RPAP1: variants seen among roughly 807,000 people sequenced by gnomAD.
RPAP1 encodes RNA polymerase II-associated protein 1.
Under a neutral mutation model 142.4 loss-of-function variants are expected in RPAP1, and 109 were observed. That is an observed-to-expected ratio of 0.77 (90% CI 0.66 to 0.90). The LOEUF (loss-of-function observed/expected upper bound fraction) is 0.90, where lower values mean the gene tolerates loss of function less well. RPAP1 is among the 40% of genes least tolerant of loss of function. RPAP1 has a pLI of 0.00. For synonymous variants in RPAP1, 704 were observed against 738.9 expected (o/e 0.95, Z 0.77); for missense variants, 1,546 against 1,751.7 (o/e 0.88, Z 2.10).
At chr15:41,529,782 G>A in intron 8 of RPAP1, 82 bp downstream of exon 8, 1 of 1,030,876 alleles carries the variant, frequency 9.7e-7, no homozygotes, top group Non-Finnish European at 1.4e-6. Context: ...CAATAGAAAG[G>A]CCTGAGTTCT....
intron 6 of RPAP1, among the ~76,000 whole-genome samples, chr15:41,532,099 G>A (rs955681333): frequency 6.6e-6 from 1 of 150,598 alleles, no homozygotes; most frequent in Non-Finnish European, 1.5e-5. Flanking sequence ...TCGGCTCACT[G>A]CAAGGTCCGC....
intron 2 of RPAP1, 31 bp from the exon 3 acceptor site, chr15:41,536,680 T>C: frequency 6.2e-7 from 1 of 1,607,558 alleles, no homozygotes; most frequent in South Asian, 1.1e-5. Context: ...AACGTGAGTA[T>C]ATGCACACCT....
chr15:41,536,801 C>T, intron 2 of RPAP1, 144 bp downstream of exon 2: 1 of 1,381,378 alleles, frequency 7.2e-7, no homozygotes, highest in East Asian at 2.3e-5. Flanking sequence ...CATTTTCTTC[C>T]TCTGTAAAAT....
chr15:41,529,371 A>T lies in RPAP1; in HGVS notation c.1158+99T>A. On this transcript the variant is annotated intron_variant, in intron 9 of 24. Transcript: ENST00000304330. ...TGAATGCACAGCAAAGGCATGAACT[A>T]GAACAGGGCACACAGAAGGTCAAAG... 9.1e-6 allele frequency: 7 copies of T among 767,804 alleles called. No homozygotes were observed. In the South Asian group the frequency reaches 1.1e-4, roughly 12 times the overall value. The allele number at this position is 767,804 out of a possible 1,614,324, so 47.6% of individuals were successfully genotyped here. A position where few individuals can be genotyped will look rare whatever the true frequency, so the allele number is the denominator to read the frequency against.
chr15:41,535,042 C>A, intron 5 of RPAP1, 107 bp from the exon 6 acceptor site: 1 of 1,124,436 alleles, frequency 8.9e-7, no homozygotes, highest in Non-Finnish European at 1.2e-6. Context: ...GGTATAGACC[C>A]AAACTTTCCT....
chr15:41,521,912 A>G, intron 20 of RPAP1, 32 bp from the exon 21 acceptor site: 1 of 1,608,198 alleles, frequency 6.2e-7, no homozygotes. Flanking sequence ...ACTACCTAGT[A>G]CAGGAGAAGG....
In RPAP1 at chr15:41,537,103, C is replaced by T. The variant is rs1180903953; in HGVS notation, c.23G>A (p.Gly8Glu). ...GTGCAGCAGGTCCACCTCGGACTCC[C>T]CTGGCTTCGGTCTCGACAGCATCTT... MLSRPKP[G>E]ESEVDLLHFQ... Residue 8 changes from glycine to glutamate, a missense_variant, in exon 2 of 25, where the codon GGG (glycine) becomes GAG (glutamate). Physicochemically the swap from Gly to Glu is moderately conservative, Grantham distance 98 (BLOSUM62 -2). Transcript: ENST00000304330. The T allele has an allele frequency of 6.2e-7, 1 of 1,614,096 alleles. No homozygotes were observed. The highest frequency in any genetic ancestry group is 2.2e-5 in the East Asian group (1 of 44,876).
rs1023513908 is a variant in RPAP1, at chr15:41,534,939, G to C, written c.542-4C>G. On this transcript the variant is annotated splice_polypyrimidine_tract_variant and splice_region_variant and intron_variant, in intron 5 of 24. Transcript: ENST00000304330. ...GGTGTCTCACAGGTCACGGCACCTG[G>C]AAGAAAGGTATGATCACATTCATTG... 1.2e-6 allele frequency: 2 copies of C among 1,613,742 alleles called. No individual in the cohort carries two copies.
Position 41,536,957 on chromosome 15 carries a change from C to A in RPAP1, c.169G>T (p.Val57Leu). Residue 57 changes from valine to leucine, a missense_variant, in exon 2 of 25, where the codon GTG becomes TTG. Around this residue, in one of 3 missense-constraint regions of RPAP1, gnomAD observed 1,333 missense variants for 1,486.6 expected, o/e 0.90. Coordinates refer to ENST00000304330, the MANE Select transcript of RPAP1 (RefSeq NM_015540.4). ...RPPLQDHRDV[V>L]MLDNLPDLPP... ...CATGGGAACTCACTGTCCAACATCA[C>A]CACATCCCGATGGTCCTGGAGCGGA... 2 of 1,613,990 alleles carry A rather than the reference C, an allele frequency of 1.2e-6. No individual in the cohort carries two copies. The highest frequency in any genetic ancestry group is 1.7e-6 in the Non-Finnish European group (2 of 1,179,920).
chr15:41,536,896 C>T (rs755612182), intron 2 of RPAP1, 49 bp downstream of exon 2: 12 of 1,581,942 alleles, frequency 7.6e-6, no homozygotes, highest in South Asian at 6.8e-5. Flanking sequence ...GGGAGGGGCC[C>T]GAGGCTGTAC....
intron 14 of RPAP1, among the ~76,000 whole-genome samples, chr15:41,525,801 C>A (rs1035757898): frequency 7.2e-5 from 11 of 152,048 alleles, no homozygotes; most frequent in Non-Finnish European, 1.5e-4. Context: ...ATTACAGGCG[C>A]ATGCCACCAC....
At chr15:41,539,267 C>G (rs2140790904) in intron 1 of RPAP1, among the ~76,000 whole-genome samples, 1 of 151,860 alleles carries the variant, frequency 6.6e-6, no homozygotes. Flanking sequence ...CCACCACACT[C>G]AGCTAATTTT....
At chr15:41,521,695 G>A in intron 21 of RPAP1, 43 bp downstream of exon 21, 8 of 1,606,338 alleles carry the variant, frequency 5.0e-6, no homozygotes, top group Non-Finnish European at 6.8e-6. Flanking sequence ...AACTGCAGCA[G>A]CGTCCAAAAG....
rs578070686 is a variant in RPAP1, at chr15:41,522,415, A to T, written c.2743-165T>A. 1.0e-5 allele frequency: 7 copies of T among 674,448 alleles called. No homozygotes were observed. The East Asian group carries it at 2.0e-4, about 19-fold the overall frequency. 41.8% of individuals were successfully genotyped at this position (674,448 alleles called of 1,614,324 possible). A position where few individuals can be genotyped will look rare whatever the true frequency, so the allele number is the denominator to read the frequency against. ...TTCTTTTTGGTTTTTTTTGAGATGG[A>T]GTTTCGCTCTTGTTGCCCAGGCTGC... On this transcript the variant is annotated intron_variant, in intron 19 of 24. Transcript: ENST00000304330.
Position 41,517,795 on chromosome 15 carries a change from T to C in RPAP1, c.4032+3A>G, listed in dbSNP as rs753232991. 9 of 1,614,060 alleles carry C rather than the reference T, an allele frequency of 5.6e-6. No homozygotes were observed. In the East Asian group the frequency reaches 2.0e-4, roughly 36 times the overall value. On this transcript the variant is annotated splice_donor_region_variant and intron_variant, in intron 24 of 24. Transcript: ENST00000304330. ...CCCACCCTCCTAATGGCCCTGACCC[T>C]ACCTCATCTGCCAGCAGCCATGTTT...
At chr15:41,535,886 G>C (rs2051901251) in intron 4 of RPAP1, among the ~76,000 whole-genome samples, 1 of 151,994 alleles carries the variant, frequency 6.6e-6, no homozygotes, top group African/African-American at 2.4e-5. Context: ...ATCTCTTTGG[G>C]GTCTCAGTTT....
rs138155923 is a variant in RPAP1 at position 41,517,684 on chromosome 15, C to T, written c.4040G>A (p.Arg1347Gln). 1.2e-5 allele frequency: 20 copies of T among 1,612,186 alleles called. No individual in the cohort carries two copies. The highest frequency in any genetic ancestry group is 6.7e-5 in the East Asian group (3 of 44,832). ...KTWLLADEGLRQHLLHYKLPN... is the reference protein window; with the variant it reads ...KTWLLADEGLQQHLLHYKLPN... ...AAGCTTATAGTGCAGGAGGTGCTGCCGGAGACCCTGCAGAAAGGAAAGAAA... is the reference window on the plus strand; with the variant it reads ...AAGCTTATAGTGCAGGAGGTGCTGCTGGAGACCCTGCAGAAAGGAAAGAAA... Residue 1347 changes from arginine to glutamine, a missense_variant, in exon 25 of 25, where the codon CGG becomes CAG. Around this residue, in one of 3 missense-constraint regions of RPAP1, gnomAD observed 210 missense variants for 248.0 expected, o/e 0.85. Transcript: ENST00000304330.
At position 41,527,958 on chromosome 15, in the gene RPAP1, G is replaced by A. The variant is rs1377635781; in HGVS notation, c.1330C>T (p.Leu444Phe). 2.5e-6 allele frequency: 4 copies of A among 1,614,128 alleles called. No homozygotes were observed. Among genetic ancestry groups the A allele is most frequent in the East Asian group, 4.5e-5 (2 of 44,878 alleles). ...VLSLLLDAGFLFLLRFSLDDR... is the reference protein window; with the variant it reads ...VLSLLLDAGFFFLLRFSLDDR... The stretch of plus-strand genomic sequence containing the variant: ...TCCAAGGAGAAGCGCAGTAGGAAGA[G>A]GAAACCAGCATCCAAAAGGAGGCTT... The change falls in exon 11 of 25, where the codon CTC becomes TTC. Residue 444 changes from leucine (L) to phenylalanine (F), a missense_variant. Transcript: ENST00000304330.
At position 41,521,070 on chromosome 15, in the gene RPAP1, C is replaced by T; in HGVS notation, c.3116G>A (p.Cys1039Tyr). Residue 1039 changes from cysteine to tyrosine, a missense_variant, in exon 22 of 25, where the codon TGT (cysteine) becomes TAT (tyrosine). By Grantham distance (194) the Cys-to-Tyr change is radical (BLOSUM62 -2). This residue lies in a region of RPAP1 where 1,333 missense variants were observed against 1,486.6 expected (regional missense o/e 0.90). Coordinates refer to ENST00000304330, the MANE Select transcript of RPAP1 (RefSeq NM_015540.4). ...CTGAGCCAGCAGAGTCCCTTGCCCA[C>T]ACCGAGGGACCCTGCTGCTTCCTAA... ...LSLGSSRVPR[C>Y]GQGTLLAQAC... The T allele has an allele frequency of 6.5e-7, 1 of 1,547,402 alleles. No individual in the cohort carries two copies. Among genetic ancestry groups the T allele is most frequent in the Non-Finnish European group, 8.7e-7 (1 of 1,148,546 alleles).
Sources: allele counts gnomAD v4.1 joint callset (sites outside exome capture counted in the v4.1 genomes callset), GRCh38; gene constraint gnomAD v4.1.1; regional missense constraint gnomAD v4.1.1; transcripts MANE v1.5; gene names NCBI Gene and HGNC (gene_info 2026-07-23, HGNC 2026-07-21).